The following WWOX variants were observed in gnomAD, a reference collection of about 807,000 sequenced individuals.
WWOX encodes the protein WW domain-containing oxidoreductase.
A neutral mutation model predicts 46.2 loss-of-function variants in WWOX; 69 were observed. That is an observed-to-expected ratio of 1.49 (90% confidence interval 1.23 to 1.82). The LOEUF (loss-of-function observed/expected upper bound fraction) is 1.82. WWOX is among the 40% of genes most tolerant of loss of function. The pLI is 0.00. For synonymous variants in WWOX, 359 were observed against 202.6 expected, an observed-to-expected ratio of 1.77 and a Z score of -6.56; for missense variants, 919 against 542.6, an observed-to-expected ratio of 1.69 and a Z score of -6.89.
chr16:78,689,514 C>G (rs561342699), intron 8 of WWOX, among the ~76,000 whole-genome samples: 8 of 152,220 alleles, frequency 5.3e-5, no homozygotes, highest in Non-Finnish European at 1.2e-4. Context: ...CTTGCTGGAT[C>G]TTCATAGTCC....
intron 8 of WWOX, among the ~76,000 whole-genome samples, chr16:79,071,888 C>G (rs1410187182): frequency 6.6e-6 from 1 of 152,200 alleles, no homozygotes; most frequent in African/African-American, 2.4e-5. Context: ...GTCTGGTGCA[C>G]CAGATGGTCT....
At position 78,381,041 on chromosome 16, in the gene WWOX, GC is replaced by G. The variant is rs554921610; in HGVS notation, c.517-5818del. Among the ~76,000 whole-genome samples, 10 of 152,258 alleles carry G rather than the reference GC, an allele frequency of 6.6e-5. 1 individual carries two copies. In the South Asian group the frequency reaches 2.1e-3, roughly 32 times the overall value. ...AATTGAAGCCCAGATCCTTCCAGTA[GC>G]TTTCCTGAAGTCAAGTTGCCAGTGC... On this transcript the variant is annotated intron_variant, in intron 5 of 8. Coordinates refer to ENST00000566780, the MANE Select transcript of WWOX (RefSeq NM_016373.4).
chr16:78,669,403 G>A (rs2047408721), intron 8 of WWOX, among the ~76,000 whole-genome samples: 1 of 152,232 alleles, frequency 6.6e-6, no homozygotes, highest in African/African-American at 2.4e-5. Flanking sequence ...TTGCTCCCCA[G>A]GGGATGTTTT....
intron 8 of WWOX, among the ~76,000 whole-genome samples, chr16:79,071,596 C>A (rs973234925): frequency 6.6e-6 from 1 of 152,250 alleles, no homozygotes; most frequent in Non-Finnish European, 1.5e-5. Context: ...TGCCAGCCTC[C>A]TGTCCCATTA....
chr16:78,527,779 G>A (rs1019138397), intron 8 of WWOX, among the ~76,000 whole-genome samples: 1 of 151,658 alleles, frequency 6.6e-6, no homozygotes, highest in African/African-American at 2.4e-5. Flanking sequence ...GTCAATATCT[G>A]GAGACATCTG....
At chr16:78,202,679 T>C (rs2036268573) in intron 5 of WWOX, among the ~76,000 whole-genome samples, 1 of 152,238 alleles carries the variant, frequency 6.6e-6, no homozygotes. Flanking sequence ...TGAATCCATT[T>C]GTCAGCAGTA....
chr16:78,745,873 T>C (rs758338787), intron 8 of WWOX, among the ~76,000 whole-genome samples: 26 of 131,484 alleles, frequency 2.0e-4, no homozygotes, highest in South Asian at 9.8e-4. Flanking sequence ...AAAAAGCACA[T>C]TGTATTTTAA....
At chr16:78,990,884 G>A (rs1654381059) in intron 8 of WWOX, among the ~76,000 whole-genome samples, 1 of 152,200 alleles carries the variant, frequency 6.6e-6, no homozygotes, top group African/African-American at 2.4e-5. Flanking sequence ...AACAGGTGAT[G>A]AACACAGCAT....
At chr16:78,302,741 C>T (rs2080063071) in intron 5 of WWOX, among the ~76,000 whole-genome samples, 1 of 152,182 alleles carries the variant, frequency 6.6e-6, no homozygotes, top group East Asian at 1.9e-4. Flanking sequence ...CTGCTACTTG[C>T]CAAGACACTG....
rs78812321 is a variant in WWOX, at chr16:79,164,870, C to G, written c.1057-46738C>G. Among the ~76,000 whole-genome samples the G allele has an allele frequency of 5.1e-3, 780 of 152,194 alleles. 24 individuals carry two copies. Among genetic ancestry groups the G allele is most frequent in the Admixed American group, 0.029 (436 of 15,292 alleles). On this transcript the variant is annotated intron_variant, in intron 8 of 8. Coordinates refer to ENST00000566780, the MANE Select transcript of WWOX (RefSeq NM_016373.4). The stretch of plus-strand genomic sequence containing the variant: ...CGGAGACTCATAAAACCTACAAATA[C>G]ACACACAAACACAAACCAGGCAAAC...
chr16:78,512,676 G>A (rs1053583352), intron 8 of WWOX, among the ~76,000 whole-genome samples: 1 of 152,104 alleles, frequency 6.6e-6, no homozygotes, highest in Non-Finnish European at 1.5e-5. Context: ...GACTCATTTC[G>A]CAGGTTTTCA....
Position 78,430,553 on chromosome 16 carries a change from G to T in WWOX, c.792-1935G>T, listed in dbSNP as rs576395267. 9.2e-5 allele frequency among the ~76,000 whole-genome samples: 14 copies of T among 152,140 alleles called. No homozygotes were observed. In the South Asian group the frequency reaches 2.9e-3, roughly 32 times the overall value. On this transcript the variant is annotated intron_variant, in intron 7 of 8. Transcript: ENST00000566780. Reference sequence around the variant, plus strand: ...GCATTGCAAGACATCTGCCATCCCTGCTACCATCACCAGCAGTCATCACGA... The same window carrying T: ...GCATTGCAAGACATCTGCCATCCCTTCTACCATCACCAGCAGTCATCACGA...
At chr16:78,729,118 G>A (rs1048007584) in intron 8 of WWOX, among the ~76,000 whole-genome samples, 13 of 152,014 alleles carry the variant, frequency 8.6e-5, no homozygotes, top group African/African-American at 1.7e-4. Context: ...TGAGGCAGGC[G>A]GATCACTTGA....
At chr16:78,650,985 G>A (rs567374125) in intron 8 of WWOX, among the ~76,000 whole-genome samples, 2 of 152,324 alleles carry the variant, frequency 1.3e-5, no homozygotes, top group South Asian at 2.1e-4. Flanking sequence ...AGAGGGATTC[G>A]TAAGCTTAGG....
intron 8 of WWOX, among the ~76,000 whole-genome samples, chr16:78,988,500 C>G (rs1450181232): frequency 1.3e-5 from 2 of 152,014 alleles, no homozygotes; most frequent in Non-Finnish European, 2.9e-5. Context: ...GAGCTGTAAC[C>G]TTTGGTTGAG....
At chr16:79,025,191 G>C (rs888769138) in intron 8 of WWOX, among the ~76,000 whole-genome samples, 2 of 152,162 alleles carry the variant, frequency 1.3e-5, no homozygotes, top group African/African-American at 4.8e-5. Flanking sequence ...ACTTGTTTCA[G>C]AAAGACAATG....
chr16:78,417,372 C>A (rs1024734340), intron 6 of WWOX, among the ~76,000 whole-genome samples: 1 of 152,116 alleles, frequency 6.6e-6, no homozygotes, highest in Admixed American at 6.6e-5. Flanking sequence ...AGATTACAGG[C>A]ATGAGCCACC....
At chr16:78,720,911 C>T (rs905989631) in intron 8 of WWOX, among the ~76,000 whole-genome samples, 3 of 152,104 alleles carry the variant, frequency 2.0e-5, no homozygotes, top group Non-Finnish European at 2.9e-5. Flanking sequence ...AGTTCCTCCC[C>T]CATCCTCAGG....
At chr16:78,632,380 C>T (rs111838619) in intron 8 of WWOX, among the ~76,000 whole-genome samples, 50 of 151,998 alleles carry the variant, frequency 3.3e-4, no homozygotes, top group Non-Finnish European at 4.9e-4. Context: ...TGAGTTATTC[C>T]GCTACCTCCG....
Sources: gnomAD v4.1 joint callset for allele counts (sites outside exome capture counted in the v4.1 genomes callset) on GRCh38, gnomAD v4.1.1 for gene constraint, MANE v1.5 for transcripts, NCBI Gene and HGNC (gene_info 2026-07-23, HGNC 2026-07-21) for gene names.